SEMA5A: variants seen among roughly 807,000 people sequenced by gnomAD.
SEMA5A encodes the protein semaphorin 5A, also known as semaphorin-5A.
Under a neutral mutation model 135.5 loss-of-function variants are expected in SEMA5A, and 55 were observed. The ratio of observed to expected loss-of-function variants is 0.41; its 90% confidence interval spans 0.33 to 0.51. The LOEUF is 0.51. Among genes scored for constraint, SEMA5A ranks in the 20% least tolerant of loss-of-function variants. The pLI is 0.37. For missense variants in SEMA5A, 1,290 were observed against 1,419.9 expected, an observed-to-expected ratio of 0.91 and a Z score of 1.47; for synonymous variants, 580 against 546.5, an observed-to-expected ratio of 1.06 and a Z score of -0.85.
chr5:9,374,108 G>C (rs1284228847), intron 3 of SEMA5A, among the ~76,000 whole-genome samples: 2 of 152,170 alleles, frequency 1.3e-5, no homozygotes, highest in Non-Finnish European at 2.9e-5. Flanking sequence ...AATGGGTCAG[G>C]GTGTTTTAGC....
chr5:9,466,276 G>A (rs983859170), intron 1 of SEMA5A, among the ~76,000 whole-genome samples: 4 of 151,370 alleles, frequency 2.6e-5, no homozygotes, highest in South Asian at 2.1e-4. Context: ...GCTAAATGAC[G>A]AGTTACTGGG....
intron 8 of SEMA5A, 40 bp from the exon 9 acceptor site, chr5:9,202,280 A>T (rs781720445): frequency 1.9e-6 from 3 of 1,594,510 alleles, no homozygotes; most frequent in Admixed American, 3.4e-5. Flanking sequence ...CTCAACATTC[A>T]TGTCATTCCC....
At chr5:9,133,784 C>CTTTTT (rs35633508) in intron 13 of SEMA5A, among the ~76,000 whole-genome samples, 1 of 142,840 alleles carries the variant, frequency 7.0e-6, no homozygotes, top group Non-Finnish European at 1.5e-5. Context: ...TTCTTTCTTT[C>CTTTTT]TTTTTTTTTT....
chr5:9,342,537 C>T (rs138001008), intron 3 of SEMA5A, among the ~76,000 whole-genome samples: 4 of 152,220 alleles, frequency 2.6e-5, no homozygotes, highest in East Asian at 3.9e-4. Context: ...GGCCAGGGGA[C>T]GGTGGGTAAA....
intron 16 of SEMA5A, among the ~76,000 whole-genome samples, chr5:9,096,320 A>G (rs1560910062): frequency 6.6e-6 from 1 of 152,146 alleles, no homozygotes; most frequent in Non-Finnish European, 1.5e-5. Context: ...ACTTTGTGTT[A>G]TTTGACCTAT....
chr5:9,244,304 T>C (rs919596460), intron 5 of SEMA5A, among the ~76,000 whole-genome samples: 4 of 152,178 alleles, frequency 2.6e-5, no homozygotes, highest in Admixed American at 6.5e-5. Flanking sequence ...TCTAGAAAAT[T>C]CTGCCATGTC....
intron 6 of SEMA5A, among the ~76,000 whole-genome samples, chr5:9,229,460 G>A (rs913101564): frequency 6.6e-6 from 1 of 152,120 alleles, no homozygotes; most frequent in Non-Finnish European, 1.5e-5. Flanking sequence ...AAACTAGAGG[G>A]GTACGGGAGC....
Position 9,257,131 on chromosome 5 carries a change from T to C in SEMA5A, c.271-19241A>G, listed in dbSNP as rs114096911. Among the ~76,000 whole-genome samples the C allele has an allele frequency of 1.1e-3, 174 of 152,334 alleles. 1 individual carries two copies. The highest frequency in any genetic ancestry group is 2.0e-3 in the Non-Finnish European group (139 of 68,024). ...TGGCATGGAGGAATTTGCTGGTACA[T>C]TGAGTGAGTGTGGCTTAACTGGGGC... On this transcript the variant is annotated intron_variant, in intron 5 of 22. Coordinates refer to ENST00000382496, the MANE Select transcript of SEMA5A (RefSeq NM_003966.3).
chr5:9,136,677 C>G (rs1215407654), intron 12 of SEMA5A, 56 bp from the exon 13 acceptor site: 20 of 1,445,408 alleles, frequency 1.4e-5, no homozygotes, highest in East Asian at 4.5e-5. Context: ...TGATAAGATA[C>G]ACAAGACAAG....
intron 3 of SEMA5A, among the ~76,000 whole-genome samples, chr5:9,359,244 T>A (rs1179072476): frequency 1.3e-5 from 2 of 152,196 alleles, no homozygotes; most frequent in African/African-American, 4.8e-5. Flanking sequence ...ATAAGCACCA[T>A]GGGTTCATGG....
intron 1 of SEMA5A, among the ~76,000 whole-genome samples, chr5:9,536,387 T>C (rs1737768193): frequency 6.6e-6 from 1 of 151,856 alleles, no homozygotes; most frequent in Non-Finnish European, 1.5e-5. Context: ...CCAAGGTGGG[T>C]GGATCACTTC....
chr5:9,274,660 A>G (rs1750160557), intron 5 of SEMA5A, among the ~76,000 whole-genome samples: 1 of 152,198 alleles, frequency 6.6e-6, no homozygotes, highest in Admixed American at 6.5e-5. Flanking sequence ...TCAAATTAGA[A>G]CTCAGGATTA....
At chr5:9,078,388 G>C (rs1738185007) in intron 16 of SEMA5A, among the ~76,000 whole-genome samples, 1 of 152,258 alleles carries the variant, frequency 6.6e-6, no homozygotes, top group Admixed American at 6.5e-5. Flanking sequence ...GTTCTTATGA[G>C]GAACTTTGGA....
intron 2 of SEMA5A, among the ~76,000 whole-genome samples, chr5:9,415,442 C>T (rs568359574): frequency 1.7e-3 from 255 of 152,196 alleles, no homozygotes; most frequent in Admixed American, 2.6e-3. Context: ...AATGCTTTGT[C>T]GCACACACCA....
intron 16 of SEMA5A, among the ~76,000 whole-genome samples, chr5:9,107,162 C>A (rs981156557): frequency 6.6e-6 from 1 of 152,220 alleles, no homozygotes; most frequent in African/African-American, 2.4e-5. Context: ...CCTTCTCGTG[C>A]TGAGCTTCTC....
At position 9,242,681 on chromosome 5, in the gene SEMA5A, A is replaced by AT. The variant is rs1748266251; in HGVS notation, c.271-4792dup. Among the ~76,000 whole-genome samples, 8 of 152,302 alleles carry AT rather than the reference A, an allele frequency of 5.3e-5. No homozygotes were observed. In the South Asian group the frequency reaches 1.5e-3, roughly 28 times the overall value. The stretch of plus-strand genomic sequence containing the variant: ...TGGTGCAGTGTATACTGCTCGGGCG[A>AT]TGGGTGCACCAGGATCTCACAAATC... On this transcript the variant is annotated intron_variant, in intron 5 of 22. Coordinates refer to ENST00000382496, the MANE Select transcript of SEMA5A (RefSeq NM_003966.3).
chr5:9,057,429 C>T (rs1736953367), intron 18 of SEMA5A, among the ~76,000 whole-genome samples: 1 of 152,188 alleles, frequency 6.6e-6, no homozygotes, highest in Admixed American at 6.5e-5. Flanking sequence ...ATATTTATTC[C>T]TGTCCACATT....
rs144758086 is a variant in SEMA5A at position 9,228,455 on chromosome 5, G to A, written c.334-1488C>T. Among the ~76,000 whole-genome samples the A allele has an allele frequency of 3.1e-4, 47 of 152,324 alleles. No homozygotes were observed. In the East Asian group the frequency reaches 9.1e-3, roughly 29 times the overall value. On this transcript the variant is annotated intron_variant, in intron 6 of 22. Coordinates refer to ENST00000382496, the MANE Select transcript of SEMA5A (RefSeq NM_003966.3). The stretch of plus-strand genomic sequence containing the variant: ...ACAGAGGAGCTCACATAGAAGCCGA[G>A]GAGCCTGAAACAGGCCAAGTGTGCC...
intron 5 of SEMA5A, among the ~76,000 whole-genome samples, chr5:9,245,129 C>T (rs1409106721): frequency 1.3e-5 from 2 of 152,102 alleles, no homozygotes; most frequent in African/African-American, 4.8e-5. Context: ...CAAACAATTC[C>T]TAAGTTTTAA....
Sources: allele counts gnomAD v4.1 joint callset (sites outside exome capture counted in the v4.1 genomes callset), GRCh38; gene constraint gnomAD v4.1.1; transcripts MANE v1.5; gene names NCBI Gene and HGNC (gene_info 2026-07-23, HGNC 2026-07-21).